The following PIP5K1B variants were observed in gnomAD, a reference collection of about 807,000 sequenced individuals.
PIP5K1B encodes the protein phosphatidylinositol-4-phosphate 5-kinase type 1 beta, also known as phosphatidylinositol 4-phosphate 5-kinase type-1 beta.
Under a neutral mutation model 67.0 loss-of-function variants are expected in PIP5K1B, and 42 were observed. The ratio of observed to expected loss-of-function variants is 0.63; its 90% CI spans 0.49 to 0.81. PIP5K1B has a LOEUF of 0.81. PIP5K1B is among the 30% of genes least tolerant of loss of function. The probability of loss-of-function intolerance (pLI) is 0.00; values close to 1 mark genes in which losing one functional copy is unlikely to be tolerated. For missense variants in PIP5K1B, 459 were observed against 646.3 expected, an observed-to-expected ratio of 0.71 and a Z score of 3.14; for synonymous variants, 214 against 231.4, an observed-to-expected ratio of 0.92 and a Z score of 0.68.
chr9:68,730,554 C>T (rs1278015215), intron 1 of PIP5K1B, among the ~76,000 whole-genome samples: 2 of 152,156 alleles, frequency 1.3e-5, no homozygotes, highest in East Asian at 1.9e-4. Flanking sequence ...CCAGTTACAA[C>T]ATTAAATTTT....
In PIP5K1B at chr9:68,989,502, C is replaced by T. The variant is rs146843363; in HGVS notation, c.1503-1638C>T. On this transcript the variant is annotated intron_variant, in intron 14 of 15. Transcript: ENST00000265382. ...CTCCACATGGCCAATGGCCAGCCTT[C>T]TGCCAACTCTCCCAACACCAATATC... is the stretch of plus-strand genomic sequence containing the variant. Among the ~76,000 whole-genome samples the T allele has an allele frequency of 1.3e-3, 199 of 152,268 alleles. 1 individual carries two copies. Among genetic ancestry groups the T allele is most frequent in the East Asian group, 8.1e-3 (42 of 5,182 alleles).
rs1824978889 is a variant in PIP5K1B, at chr9:68,894,521, A to G, written c.654A>G (p.Arg218=). The G allele has an allele frequency of 6.2e-7, 1 of 1,614,186 alleles. No homozygotes were observed. Among genetic ancestry groups the G allele is most frequent in the South Asian group, 1.1e-5 (1 of 91,090 alleles). The change falls in exon 8 of 16, where the codon AGA becomes AGG. Residue 218 remains arginine (R), a synonymous_variant. Coordinates refer to ENST00000265382, the MANE Select transcript of PIP5K1B (RefSeq NM_003558.4). ...TYKRRASRKE[R]EKSNPTFKDL... is the part of the protein sequence containing the mutation. ...AGCGAAGAGCATCCCGTAAAGAGAG[A>G]GAGAAATCCAACCCCACATTTAAGG... is the stretch of plus-strand genomic sequence containing the variant.
chr9:68,844,231 G>C (rs1027311866), intron 4 of PIP5K1B, among the ~76,000 whole-genome samples: 2 of 152,180 alleles, frequency 1.3e-5, no homozygotes, highest in Admixed American at 6.5e-5. Context: ...AGCCAACACT[G>C]AGTTAAGCTC....
chr9:68,766,458 G>T (rs977119575), intron 2 of PIP5K1B, among the ~76,000 whole-genome samples: 4 of 152,082 alleles, frequency 2.6e-5, no homozygotes, highest in Non-Finnish European at 4.4e-5. Flanking sequence ...TCCCCTATTA[G>T]AAATATGTAT....
intron 15 of PIP5K1B, among the ~76,000 whole-genome samples, chr9:69,001,252 G>T (rs1401607700): frequency 6.6e-6 from 1 of 151,976 alleles, no homozygotes; most frequent in East Asian, 1.9e-4. Context: ...TTGGCAGAGG[G>T]CCTCTGGTGC....
At chr9:68,912,190 T>C (rs1469855609) in intron 8 of PIP5K1B, among the ~76,000 whole-genome samples, 2 of 152,212 alleles carry the variant, frequency 1.3e-5, no homozygotes, top group Non-Finnish European at 1.5e-5. Context: ...CCAGGCCTTA[T>C]TACAATGTGT....
chr9:68,760,635 T>C (rs986951308), intron 2 of PIP5K1B, among the ~76,000 whole-genome samples: 2 of 152,096 alleles, frequency 1.3e-5, no homozygotes, highest in African/African-American at 4.8e-5. Context: ...AGTTGTGGTT[T>C]AACGTTTAGC....
intron 4 of PIP5K1B, among the ~76,000 whole-genome samples, chr9:68,842,056 G>A (rs1821946051): frequency 6.6e-6 from 1 of 152,212 alleles, no homozygotes; most frequent in African/African-American, 2.4e-5. Flanking sequence ...ACTTCTGATG[G>A]ACTCACTGGG....
At position 68,915,190 on chromosome 9, in the gene PIP5K1B, C is replaced by T. The variant is rs953815133; in HGVS notation, c.772-2358C>T. ...TGTGACCTGCCTAAGGTCACAGAGT[C>T]CATGCTCTTCATCCCTCATCCCCCA... On this transcript the variant is annotated intron_variant, in intron 8 of 15. Coordinates refer to ENST00000265382, the MANE Select transcript of PIP5K1B (RefSeq NM_003558.4). Among the ~76,000 whole-genome samples the T allele has an allele frequency of 1.2e-4, 18 of 152,124 alleles. 1 individual carries two copies. The highest frequency in any genetic ancestry group is 2.0e-4 in the Admixed American group (3 of 15,272).
At chr9:68,727,041 G>A (rs1487871331) in intron 1 of PIP5K1B, among the ~76,000 whole-genome samples, 4 of 151,840 alleles carry the variant, frequency 2.6e-5, no homozygotes, top group Non-Finnish European at 5.9e-5. Flanking sequence ...TATGAATGAA[G>A]ATAGTTTTAC....
chr9:68,824,153 C>G (rs1833866830), intron 4 of PIP5K1B: 1 of 519,020 alleles, frequency 1.9e-6, no homozygotes, highest in Admixed American at 1.9e-5. Flanking sequence ...TACATTCATT[C>G]AAGCATGGAC....
chr9:68,826,053 C>T (rs1315922275), intron 4 of PIP5K1B, among the ~76,000 whole-genome samples: 2 of 152,074 alleles, frequency 1.3e-5, no homozygotes, highest in Admixed American at 6.6e-5. Context: ...TTGGCAAGCC[C>T]GGGAAGAACA....
At chr9:68,744,258 G>T (rs1165532563) in intron 2 of PIP5K1B, among the ~76,000 whole-genome samples, 2 of 152,144 alleles carry the variant, frequency 1.3e-5, no homozygotes, top group Non-Finnish European at 2.9e-5. Context: ...TCCACGAGAT[G>T]TGCTAACACA....
intron 15 of PIP5K1B, among the ~76,000 whole-genome samples, chr9:68,997,682 G>T (rs1830654277): frequency 6.6e-6 from 1 of 152,172 alleles, no homozygotes; most frequent in South Asian, 2.1e-4. Flanking sequence ...AAGACATGTG[G>T]AAGAGCTGAG....
intron 2 of PIP5K1B, among the ~76,000 whole-genome samples, chr9:68,775,842 C>T (rs1244181084): frequency 6.6e-6 from 1 of 152,124 alleles, no homozygotes; most frequent in African/African-American, 2.4e-5. Flanking sequence ...TATATTGTAA[C>T]TCATCCATGT....
At chr9:68,998,227 T>C (rs916174199) in intron 15 of PIP5K1B, among the ~76,000 whole-genome samples, 17 of 152,070 alleles carry the variant, frequency 1.1e-4, no homozygotes, top group Admixed American at 1.1e-3. Context: ...CACACCACCA[T>C]GCCTAGCTGA....
intron 8 of PIP5K1B, among the ~76,000 whole-genome samples, chr9:68,899,745 T>C (rs546695682): frequency 2.0e-5 from 3 of 152,368 alleles, no homozygotes; most frequent in African/African-American, 4.8e-5. Flanking sequence ...ATGTTGTAAA[T>C]GGTCATTAGA....
At chr9:68,818,890 C>T (rs1160185149) in intron 3 of PIP5K1B, among the ~76,000 whole-genome samples, 3 of 152,122 alleles carry the variant, frequency 2.0e-5, no homozygotes, top group African/African-American at 7.2e-5. Flanking sequence ...AAACCTAAAG[C>T]ATTTATAATC....
At chr9:68,944,290 A>G (rs1827695773) in intron 14 of PIP5K1B, among the ~76,000 whole-genome samples, 1 of 152,242 alleles carries the variant, frequency 6.6e-6, no homozygotes, top group Non-Finnish European at 1.5e-5. Flanking sequence ...TTGAGCACTA[A>G]GAAATATAGA....
Sources: gnomAD v4.1 joint callset for allele counts (sites outside exome capture counted in the v4.1 genomes callset) on GRCh38, gnomAD v4.1.1 for gene constraint, MANE v1.5 for transcripts, NCBI Gene and HGNC (gene_info 2026-07-23, HGNC 2026-07-21) for gene names.